The following WWOX variants were observed in gnomAD, a reference collection of about 807,000 sequenced individuals.
WWOX encodes the protein WW domain containing oxidoreductase, also known as WW domain-containing oxidoreductase.
WWOX carries 69 observed loss-of-function variants against 46.2 expected under a neutral mutation model. That is an observed-to-expected ratio of 1.49 (90% CI 1.23 to 1.82). WWOX has a LOEUF of 1.82. WWOX is among the 40% of genes most tolerant of loss of function. The pLI is 0.00. For synonymous variants in WWOX, 359 were observed against 202.6 expected (o/e 1.77, Z -6.56); for missense variants, 919 against 542.6 (o/e 1.69, Z -6.89).
chr16:79,176,298 C>A (rs1323134023), intron 8 of WWOX, among the ~76,000 whole-genome samples: 1 of 152,196 alleles, frequency 6.6e-6, no homozygotes, highest in African/African-American at 2.4e-5. Context: ...CTTAGTGGTT[C>A]CATTCTCCCT....
intron 8 of WWOX, among the ~76,000 whole-genome samples, chr16:79,018,047 A>T (rs1290517356): frequency 1.3e-5 from 2 of 152,262 alleles, no homozygotes; most frequent in South Asian, 2.1e-4. Context: ...GTCAAGGCAA[A>T]AAAGGGAAAC....
At chr16:78,647,733 C>T (rs939063097) in intron 8 of WWOX, among the ~76,000 whole-genome samples, 6 of 152,294 alleles carry the variant, frequency 3.9e-5, no homozygotes, top group Middle Eastern at 3.4e-3. Flanking sequence ...TGGTAAGTGG[C>T]AGATCCAGAG....
chr16:78,753,935 C>T (rs1174239568), intron 8 of WWOX, among the ~76,000 whole-genome samples: 49 of 143,010 alleles, frequency 3.4e-4, no homozygotes, highest in Non-Finnish European at 1.5e-5. Context: ...TTTTAAGTGG[C>T]AGAAACAGGG....
chr16:78,446,160 A>C lies in WWOX; in HGVS notation c.1056+13408A>C, dbSNP rs926696217. On this transcript the variant is annotated intron_variant, in intron 8 of 8. Coordinates refer to ENST00000566780, the MANE Select transcript of WWOX (RefSeq NM_016373.4). ...GTAGGGATCATTCATAAAACTAGTT[A>C]GTAAACTATCAGTTTAATGTACAAT... is the stretch of plus-strand genomic sequence containing the variant. Among the ~76,000 whole-genome samples, 3 of 152,260 alleles carry C rather than the reference A, an allele frequency of 2.0e-5. No individual in the cohort carries two copies. In the East Asian group the frequency reaches 5.8e-4, roughly 29 times the overall value.
chr16:78,359,641 A>G (rs2081367260), intron 5 of WWOX, among the ~76,000 whole-genome samples: 1 of 152,258 alleles, frequency 6.6e-6, no homozygotes, highest in South Asian at 2.1e-4. Context: ...ATATTTCAAA[A>G]GCTACAGAGA....
intron 8 of WWOX, among the ~76,000 whole-genome samples, chr16:78,979,637 G>T (rs2046642361): frequency 6.6e-6 from 1 of 152,108 alleles, no homozygotes; most frequent in Admixed American, 6.5e-5. Context: ...AAAGGATCTT[G>T]TTACTCAGAT....
At chr16:78,720,118 C>A (rs549868055) in intron 8 of WWOX, among the ~76,000 whole-genome samples, 1 of 152,144 alleles carries the variant, frequency 6.6e-6, no homozygotes, top group Non-Finnish European at 1.5e-5. Context: ...ACTCTTGCTT[C>A]TTGGTCTTAC....
intron 8 of WWOX, among the ~76,000 whole-genome samples, chr16:78,568,854 C>G (rs1270721913): frequency 6.6e-6 from 1 of 152,210 alleles, no homozygotes; most frequent in Non-Finnish European, 1.5e-5. Context: ...AGTTTGTTTT[C>G]TGCTTCTGTC....
At chr16:78,489,897 T>C (rs368575552) in intron 8 of WWOX, among the ~76,000 whole-genome samples, 29 of 152,292 alleles carry the variant, frequency 1.9e-4, no homozygotes, top group African/African-American at 7.0e-4. Context: ...GTCTGACAGA[T>C]AGCCGGATGA....
chr16:78,780,782 G>C (rs981348679), intron 8 of WWOX, among the ~76,000 whole-genome samples: 2 of 152,210 alleles, frequency 1.3e-5, no homozygotes, highest in African/African-American at 4.8e-5. Flanking sequence ...CGTATGGCTA[G>C]CATAGGATGG....
intron 8 of WWOX, among the ~76,000 whole-genome samples, chr16:78,744,535 A>G (rs964782564): frequency 1.3e-5 from 2 of 148,200 alleles, no homozygotes; most frequent in East Asian, 2.0e-4. Flanking sequence ...GGGTTCAAGC[A>G]ATTTTCTTGC....
chr16:79,199,776 C>A (rs991655366), intron 8 of WWOX, among the ~76,000 whole-genome samples: 4 of 152,172 alleles, frequency 2.6e-5, no homozygotes, highest in Admixed American at 6.5e-5. Context: ...CGAAGGTCAG[C>A]TACACAACTG....
chr16:78,690,272 C>T (rs974403848), intron 8 of WWOX, among the ~76,000 whole-genome samples: 1 of 152,088 alleles, frequency 6.6e-6, no homozygotes, highest in Non-Finnish European at 1.5e-5. Flanking sequence ...GTTTGTTGGC[C>T]AGGCGTGGTG....
At position 78,371,653 on chromosome 16, in the gene WWOX, T is replaced by C. The variant is rs376083868; in HGVS notation, c.517-15207T>C. ...ATTGTTATATATTCTTGCTTAATTA[T>C]TTTTCCCTTTATGCATCATCCATTT... On this transcript the variant is annotated intron_variant, in intron 5 of 8. Transcript: ENST00000566780. Among the ~76,000 whole-genome samples, 10 of 152,304 alleles carry C rather than the reference T, an allele frequency of 6.6e-5. No individual in the cohort carries two copies. In the East Asian group the frequency reaches 7.7e-4, roughly 12 times the overall value.
At chr16:78,421,952 G>A (rs1407220676) in intron 6 of WWOX, among the ~76,000 whole-genome samples, 1 of 151,998 alleles carries the variant, frequency 6.6e-6, no homozygotes, top group Non-Finnish European at 1.5e-5. Flanking sequence ...CAGGGTGCAG[G>A]AATATATATT....
At chr16:79,130,154 C>T (rs2049846653) in intron 8 of WWOX, among the ~76,000 whole-genome samples, 1 of 152,182 alleles carries the variant, frequency 6.6e-6, no homozygotes, top group Admixed American at 6.5e-5. Flanking sequence ...AGCTCACAGT[C>T]ACAGGCTGGT....
At chr16:78,826,635 C>G (rs186590447) in intron 8 of WWOX, among the ~76,000 whole-genome samples, 41 of 152,302 alleles carry the variant, frequency 2.7e-4, no homozygotes, top group Admixed American at 2.1e-3. Flanking sequence ...GTCTTCCTGG[C>G]TGATCTCATG....
At chr16:78,321,293 T>C (rs116445682) in intron 5 of WWOX, among the ~76,000 whole-genome samples, 3,131 of 131,212 alleles carry the variant, frequency 0.024, 249 homozygotes, top group African/African-American at 0.086. Context: ...TATATATACG[T>C]ATATATATAC....
chr16:78,518,496 C>G (rs953230001), intron 8 of WWOX, among the ~76,000 whole-genome samples: 4 of 152,184 alleles, frequency 2.6e-5, no homozygotes, highest in African/African-American at 9.7e-5. Context: ...GCTGGGATTA[C>G]AGACGTGAGT....
Sources: allele counts gnomAD v4.1 joint callset (sites outside exome capture counted in the v4.1 genomes callset), GRCh38; gene constraint gnomAD v4.1.1; transcripts MANE v1.5; gene names NCBI Gene and HGNC (gene_info 2026-07-23, HGNC 2026-07-21).